The following SLC33A2 variants were observed in gnomAD, a reference collection of about 807,000 sequenced individuals.
SLC33A2 encodes major facilitator superfamily domain containing 3.
At chr8:144,510,895 GC>G in the SLC33A2 span, 3 of 1,605,682 alleles carry the variant, frequency 1.9e-6, no homozygotes, top group Non-Finnish European at 2.5e-6. Context: ...GGCCCCCAGG[GC>G]CCTGCAGGTG....
chr8:144,511,142 T>C, the SLC33A2 span: 2 of 1,610,388 alleles, frequency 1.2e-6, no homozygotes, highest in Non-Finnish European at 1.7e-6. Flanking sequence ...TACCTGGACC[T>C]AGCACCCAGC....
chr8:144,509,789 C>CGCGCTGCTG, the SLC33A2 span: 2 of 1,551,024 alleles, frequency 1.3e-6, no homozygotes, highest in Non-Finnish European at 1.7e-6. Context: ...TAGCTGGGGG[C>CGCGCTGCTG]GCGCTGCTGG....
chr8:144,510,420 C>T, the SLC33A2 span: 4 of 1,612,878 alleles, frequency 2.5e-6, no homozygotes, highest in Non-Finnish European at 3.4e-6. Context: ...GTTTCTGCTC[C>T]CGAGTTGGGA....
At chr8:144,509,401 C>T in the SLC33A2 span, 1 of 1,527,152 alleles carries the variant, frequency 6.5e-7, no homozygotes, top group Non-Finnish European at 8.7e-7. Flanking sequence ...GGGCTCCAGT[C>T]CGGCCTCCTG....
the SLC33A2 span, chr8:144,509,490 A>C: frequency 6.5e-7 from 1 of 1,535,440 alleles, no homozygotes; most frequent in Admixed American, 1.9e-5. Flanking sequence ...GTGGCTGCTC[A>C]AGCTGGCTTG....
the SLC33A2 span, chr8:144,510,459 G>A: frequency 6.2e-7 from 1 of 1,612,716 alleles, no homozygotes; most frequent in South Asian, 1.1e-5. Context: ...GCTGTGGTCT[G>A]CTCCATCGCT....
At chr8:144,510,956 G>A in the SLC33A2 span, 1 of 1,599,546 alleles carries the variant, frequency 6.3e-7, no homozygotes, top group East Asian at 2.2e-5. Flanking sequence ...GGGCTGTGTG[G>A]GCCTGACCTT....
At chr8:144,510,876 C>T in the SLC33A2 span, 2 of 1,608,240 alleles carry the variant, frequency 1.2e-6, no homozygotes, top group South Asian at 1.1e-5. Context: ...TGATGCGCTG[C>T]AGCCAGCTGG....
the SLC33A2 span, chr8:144,509,678 G>A: frequency 1.3e-6 from 2 of 1,559,024 alleles, no homozygotes; most frequent in Admixed American, 1.9e-5. Context: ...CCGCCATGCA[G>A]GATGTGGCCC....
the SLC33A2 span, chr8:144,509,274 C>T: frequency 3.5e-6 from 5 of 1,411,144 alleles, no homozygotes; most frequent in African/African-American, 6.0e-5. Flanking sequence ...GAGGGGACCT[C>T]GCCTTGCGGG....
At chr8:144,511,134 C>T in the SLC33A2 span, 9 of 1,610,638 alleles carry the variant, frequency 5.6e-6, no homozygotes, top group East Asian at 2.2e-5. Context: ...CCGTTCTGTA[C>T]CTGGACCTAG....
At chr8:144,510,445 G>A in the SLC33A2 span, 1 of 1,612,924 alleles carries the variant, frequency 6.2e-7, no homozygotes, top group Non-Finnish European at 8.5e-7. Context: ...GGAATGGTGT[G>A]GGTGCTGTGG....
At chr8:144,510,469 T>G in the SLC33A2 span, 3 of 1,612,872 alleles carry the variant, frequency 1.9e-6, no homozygotes, top group Non-Finnish European at 2.5e-6. Context: ...GCTCCATCGC[T>G]GGCTCCTCCC....
chr8:144,509,071 C>A, the SLC33A2 span: 1 of 424,486 alleles, frequency 2.4e-6, no homozygotes, highest in Non-Finnish European at 4.2e-6. Context: ...TGCGGCCGCG[C>A]AGAGCATGCC....
the SLC33A2 span, chr8:144,509,751 G>T: frequency 6.4e-7 from 1 of 1,566,180 alleles, no homozygotes; most frequent in Non-Finnish European, 8.6e-7. Flanking sequence ...TACCGTGCAG[G>T]TGGTCGCGTA....
At chr8:144,509,401 C>G in the SLC33A2 span, 3 of 1,527,152 alleles carry the variant, frequency 2.0e-6, no homozygotes, top group Non-Finnish European at 2.6e-6. Flanking sequence ...GGGCTCCAGT[C>G]CGGCCTCCTG....
the SLC33A2 span, chr8:144,510,601 A>G: frequency 6.3e-7 from 1 of 1,584,342 alleles, no homozygotes; most frequent in African/African-American, 1.3e-5. Context: ...ATCCCAGGAA[A>G]CTGCTGCCTC....
the SLC33A2 span, chr8:144,509,351 G>T: frequency 6.8e-7 from 1 of 1,470,932 alleles, no homozygotes; most frequent in Non-Finnish European, 9.0e-7. Context: ...GGAAGTTGCT[G>T]CCGCTGGCCG....
chr8:144,509,194 C>T, the SLC33A2 span: 3 of 845,658 alleles, frequency 3.5e-6, no homozygotes, highest in Non-Finnish European at 3.4e-6. Context: ...AGACCCTAGC[C>T]TGTACGACGC....
Sources: gnomAD v4.1 joint callset for allele counts on GRCh38, gnomAD v4.1.1 for gene constraint, MANE v1.5 for transcripts, NCBI Gene and HGNC (gene_info 2026-07-23, HGNC 2026-07-21) for gene names.